Variants in CADPS2 observed in about 807,000 individuals in gnomAD.
The protein encoded by CADPS2 is calcium dependent secretion activator 2.
A neutral mutation model predicts 172.5 loss-of-function variants in CADPS2; 93 were observed. That is an observed-to-expected ratio of 0.54 (90% CI 0.46 to 0.64). The LOEUF is 0.64. Ranked by LOEUF, CADPS2 falls within the 30% of genes least tolerant of loss-of-function variation. CADPS2 has a pLI of 0.00. For missense variants in CADPS2, 1,420 were observed against 1,565.9 expected (o/e 0.91, Z 1.57); for synonymous variants, 546 against 555.2 (o/e 0.98, Z 0.23).
intron 2 of CADPS2, among the ~76,000 whole-genome samples, chr7:122,665,249 G>A (rs1035008618): frequency 2.6e-5 from 4 of 152,110 alleles, no homozygotes; most frequent in African/African-American, 7.2e-5. Flanking sequence ...GAACCACTGG[G>A]GCTGGCATGC....
intron 9 of CADPS2, among the ~76,000 whole-genome samples, chr7:122,511,255 C>T (rs1169176963): frequency 6.9e-6 from 1 of 144,882 alleles, no homozygotes; most frequent in East Asian, 2.0e-4. Context: ...TACCAATTAA[C>T]AGTCTCAAAG....
At chr7:122,880,273 T>G (rs530479510) in intron 1 of CADPS2, among the ~76,000 whole-genome samples, 1 of 152,300 alleles carries the variant, frequency 6.6e-6, no homozygotes, top group South Asian at 2.1e-4. Context: ...CTGTTGCTAA[T>G]GTGGTGATTT....
intron 1 of CADPS2, among the ~76,000 whole-genome samples, chr7:122,847,314 T>C (rs1482803647): frequency 6.6e-6 from 1 of 152,180 alleles, no homozygotes; most frequent in East Asian, 1.9e-4. Flanking sequence ...CTAGAACTCC[T>C]GAGCTCAAGC....
At chr7:122,526,584 T>C (rs1399329082) in intron 8 of CADPS2, among the ~76,000 whole-genome samples, 1 of 152,198 alleles carries the variant, frequency 6.6e-6, no homozygotes, top group Admixed American at 6.6e-5. Context: ...ATTGTTCACA[T>C]GTAGTGTGTT....
chr7:122,731,960 A>G (rs1381660197), intron 2 of CADPS2, among the ~76,000 whole-genome samples: 1 of 151,806 alleles, frequency 6.6e-6, no homozygotes, highest in African/African-American at 2.4e-5. Context: ...CTTGTTACTT[A>G]TAATACTTAA....
intron 1 of CADPS2, among the ~76,000 whole-genome samples, chr7:122,780,296 C>T (rs1370041846): frequency 4.6e-5 from 7 of 152,068 alleles, no homozygotes; most frequent in Non-Finnish European, 1.0e-4. Flanking sequence ...CCCAGAGCAA[C>T]ATCCCCCTCT....
At chr7:122,323,880 T>C (rs1284157417) in intron 29 of CADPS2, among the ~76,000 whole-genome samples, 2 of 7,042 alleles carry the variant, frequency 2.8e-4, no homozygotes, top group African/African-American at 6.2e-4. Flanking sequence ...ATTTTATATA[T>C]ATATATATAT....
intron 14 of CADPS2, among the ~76,000 whole-genome samples, chr7:122,461,424 T>C (rs1459274101): frequency 6.6e-6 from 1 of 152,152 alleles, no homozygotes; most frequent in African/African-American, 2.4e-5. Flanking sequence ...TAGAAATTCA[T>C]ATATGTCCCA....
chr7:122,507,834 T>C (rs1299399745), intron 9 of CADPS2, among the ~76,000 whole-genome samples: 1 of 152,120 alleles, frequency 6.6e-6, no homozygotes, highest in Non-Finnish European at 1.5e-5. Context: ...GTAAATGGAA[T>C]GCTGTTTTTG....
At chr7:122,321,575 G>A (rs993377230) in intron 29 of CADPS2, among the ~76,000 whole-genome samples, 2 of 152,018 alleles carry the variant, frequency 1.3e-5, no homozygotes, top group African/African-American at 4.8e-5. Flanking sequence ...AGCAGCCTTC[G>A]CCTCCCCAGT....
intron 8 of CADPS2, among the ~76,000 whole-genome samples, chr7:122,545,075 GGCTTCTGCCCCACCTCC>G (rs1389317857): frequency 2.0e-5 from 3 of 152,128 alleles, no homozygotes; most frequent in South Asian, 2.1e-4. Context: ...TGGGTAGAAG[GGCTTCTGCCCCACCTCC>G]CATTCCAGAT....
At chr7:122,375,712 T>C (rs2042259734) in intron 25 of CADPS2, among the ~76,000 whole-genome samples, 1 of 152,152 alleles carries the variant, frequency 6.6e-6, no homozygotes, top group South Asian at 2.1e-4. Flanking sequence ...AGCAATGACT[T>C]CTTGGCTATG....
intron 1 of CADPS2, among the ~76,000 whole-genome samples, chr7:122,822,894 G>A (rs573933678): frequency 2.0e-5 from 3 of 149,862 alleles, no homozygotes; most frequent in African/African-American, 4.9e-5. Flanking sequence ...ATCTCCCTTC[G>A]CTGACTCTCT....
chr7:122,341,960 T>G (rs2036846950), intron 28 of CADPS2, among the ~76,000 whole-genome samples: 1 of 152,184 alleles, frequency 6.6e-6, no homozygotes, highest in Non-Finnish European at 1.5e-5. Flanking sequence ...AAAAAGTTAT[T>G]TCTGTTTTAA....
At chr7:122,641,333 C>A in intron 3 of CADPS2, among the ~76,000 whole-genome samples, 1 of 152,078 alleles carries the variant, frequency 6.6e-6, no homozygotes, top group East Asian at 1.9e-4. Flanking sequence ...AGAAAATATG[C>A]TTTTATTTTC....
At chr7:122,381,242 C>T (rs925695114) in intron 24 of CADPS2, among the ~76,000 whole-genome samples, 2 of 152,122 alleles carry the variant, frequency 1.3e-5, no homozygotes, top group African/African-American at 2.4e-5. Context: ...ACTCTTGTTT[C>T]ACGTCCTTCT....
At chr7:122,748,241 T>C (rs750442696) in intron 1 of CADPS2, among the ~76,000 whole-genome samples, 2 of 152,140 alleles carry the variant, frequency 1.3e-5, no homozygotes, top group Non-Finnish European at 2.9e-5. Flanking sequence ...CTGTATGTTG[T>C]CCAAATAATA....
intron 8 of CADPS2, among the ~76,000 whole-genome samples, chr7:122,546,493 C>T (rs545334402): frequency 1.2e-4 from 18 of 152,282 alleles, no homozygotes; most frequent in African/African-American, 4.3e-4. Flanking sequence ...TAGGCCATGT[C>T]CTATCCTTTG....
intron 1 of CADPS2, among the ~76,000 whole-genome samples, chr7:122,859,610 T>C (rs1236877398): frequency 1.3e-5 from 2 of 152,144 alleles, no homozygotes; most frequent in Non-Finnish European, 2.9e-5. Context: ...CACATATGAC[T>C]ACACTATTAT....
Sources: gnomAD v4.1 joint callset for allele counts (sites outside exome capture counted in the v4.1 genomes callset) on GRCh38, gnomAD v4.1.1 for gene constraint, MANE v1.5 for transcripts, NCBI Gene and HGNC (gene_info 2026-07-23, HGNC 2026-07-21) for gene names.